LAMA5: variants seen among roughly 807,000 people sequenced by gnomAD.
The protein encoded by LAMA5 is laminin subunit alpha 5.
Under a neutral mutation model 433.4 loss-of-function variants are expected in LAMA5, and 260 were observed. That is an observed-to-expected ratio of 0.60 (90% CI 0.54 to 0.66). LAMA5 has a LOEUF of 0.66. LAMA5 is among the 30% of genes least tolerant of loss of function. LAMA5 has a pLI of 0.00. For synonymous variants in LAMA5, 2,620 were observed against 2,226.6 expected (o/e 1.18, Z -4.97); for missense variants, 5,378 against 5,258.5 (o/e 1.02, Z -0.70).
At chr20:62,357,994 C>G (rs954004050) in intron 2 of LAMA5, among the ~76,000 whole-genome samples, 18 of 152,242 alleles carry the variant, frequency 1.2e-4, no homozygotes, top group Admixed American at 9.8e-4. Context: ...GCCTGAAACC[C>G]AAACAGTTTC....
chr20:62,333,453 T>C lies in LAMA5; in HGVS notation c.3050A>G (p.Tyr1017Cys), dbSNP rs777416643. Residue 1017 changes from tyrosine to cysteine, a missense_variant, in exon 25 of 80, where the codon TAC (tyrosine) becomes TGC (cysteine). Physicochemically the swap from Tyr to Cys is radical, Grantham distance 194. Transcript: ENST00000252999. Reference protein sequence around the residue: ...LDYVVLLPSAYYEAALLQLRV... With the variant: ...LDYVVLLPSACYEAALLQLRV... Reference sequence around the variant, plus strand: ...CAGCTGCAGGAGCGCCGCCTCGTAGTATGCGCTAGGCAGCAGAACCACGTA... The same window carrying C: ...CAGCTGCAGGAGCGCCGCCTCGTAGCATGCGCTAGGCAGCAGAACCACGTA... 1 of 1,612,560 alleles carries C rather than the reference T, an allele frequency of 6.2e-7. No homozygotes were observed. The highest frequency in any genetic ancestry group is 1.3e-5 in the African/African-American group (1 of 74,892).
chr20:62,332,282 G>A lies in LAMA5; in HGVS notation c.3552+90C>T, dbSNP rs1222936598. 4 of 928,412 alleles carry A rather than the reference G, an allele frequency of 4.3e-6. No individual in the cohort carries two copies. The African/African-American group carries it at 4.8e-5, about 11-fold the overall frequency. The allele number at this position is 928,412 out of a possible 1,614,324, so 57.5% of individuals were successfully genotyped here. A position where few individuals can be genotyped will look rare whatever the true frequency, so the allele number is the denominator to read the frequency against. On this transcript the variant is annotated intron_variant, in intron 28 of 79. Coordinates refer to ENST00000252999, the MANE Select transcript of LAMA5 (RefSeq NM_005560.6). ...CGAGTGTGGCCGCCTTGGGGACCTG[G>A]GACCCCAACTGTCCTCTCCCCTCTC... is the stretch of plus-strand genomic sequence containing the variant.
chr20:62,328,591 G>T, intron 34 of LAMA5, 146 bp from the exon 35 acceptor site: 1 of 848,648 alleles, frequency 1.2e-6, no homozygotes, highest in Non-Finnish European at 1.8e-6. Flanking sequence ...CTGAGCCTTG[G>T]ACAGCTCCTG....
At chr20:62,334,451 G>T in intron 21 of LAMA5, 71 bp downstream of exon 21, 5 of 1,516,420 alleles carry the variant, frequency 3.3e-6, no homozygotes, top group Non-Finnish European at 4.4e-6. Context: ...CCATGGTGAG[G>T]GACACGGAGA....
rs778709010 is a variant in LAMA5 at position 62,322,175 on chromosome 20, TG to T, written c.6347-8del. 51 of 1,586,296 alleles carry T rather than the reference TG, an allele frequency of 3.2e-5. 1 individual carries two copies. The South Asian group carries it at 4.2e-4, about 13-fold the overall frequency. On this transcript the variant is annotated splice_polypyrimidine_tract_variant and splice_region_variant and intron_variant, in intron 47 of 79. Transcript: ENST00000252999. ...CCCCCAGGGCACTGGCAGCCTGTGG[TG>T]GGGGGCTTGGGTGAGCATGGCTGGC...
At chr20:62,342,696 C>CA (rs113491899) in intron 11 of LAMA5, among the ~76,000 whole-genome samples, 16,402 of 145,746 alleles carry the variant, frequency 0.11, 1,214 homozygotes, top group African/African-American at 0.21. Flanking sequence ...AACAAAAAAA[C>CA]AAAAAAAAAA....
At chr20:62,337,481 CA>C in intron 16 of LAMA5, 108 bp downstream of exon 16, 1 of 1,434,494 alleles carries the variant, frequency 7.0e-7, no homozygotes, top group Non-Finnish European at 9.5e-7. Flanking sequence ...TCGCAGTACA[CA>C]CAGCAAGATG....
chr20:62,326,048 C>G (rs1979227433), intron 40 of LAMA5, among the ~76,000 whole-genome samples: 1 of 151,874 alleles, frequency 6.6e-6, no homozygotes, highest in African/African-American at 2.4e-5. Flanking sequence ...CGGCGAAACC[C>G]CATCTCTACT....
intron 40 of LAMA5, among the ~76,000 whole-genome samples, chr20:62,326,150 G>A (rs572980471): frequency 3.1e-4 from 47 of 152,010 alleles, no homozygotes; most frequent in African/African-American, 1.1e-3. Flanking sequence ...ATCCTGGGAG[G>A]CAGAGGCTGC....
chr20:62,335,043 C>T lies in LAMA5; in HGVS notation c.2460G>A (p.Gln820=), dbSNP rs1305452643. 6.2e-7 allele frequency: 1 copy of T among 1,612,866 alleles called. No homozygotes were observed. The highest frequency in any genetic ancestry group is 1.3e-5 in the African/African-American group (1 of 74,892). ...CACTGCGGCAGCCAAAATAGTCAGC[C>T]TGATCCAGTCCAAAGAAGCCATCCT... ...SCKDGFFGLD[Q]ADYFGCRSCR... is the part of the protein sequence containing the mutation. Residue 820 remains glutamine (Q), a synonymous_variant, in exon 20 of 80, where the codon CAG becomes CAA. Coordinates refer to ENST00000252999, the MANE Select transcript of LAMA5 (RefSeq NM_005560.6).
rs1051445390 is a variant in LAMA5 at position 62,309,210 on chromosome 20, C to T, written c.*126G>A. The T allele has an allele frequency of 6.2e-6, 6 of 966,832 alleles. No homozygotes were observed. The highest frequency in any genetic ancestry group is 8.8e-6 in the Non-Finnish European group (6 of 682,458). The allele number at this position is 966,832 out of a possible 1,614,324, so 59.9% of individuals were successfully genotyped here. On this transcript the variant is annotated 3_prime_UTR_variant, in exon 80 of 80. Coordinates refer to ENST00000252999, the MANE Select transcript of LAMA5 (RefSeq NM_005560.6). ...TTCGTTTAAGAAGCTATAACTTAAA[C>T]CATCTTCAGAAACAAGATCTGTCAC...
At position 62,314,818 on chromosome 20, in the gene LAMA5, G is replaced by C. The variant is rs1568900478; in HGVS notation, c.8177C>G (p.Ala2726Gly). ...IGRVRELIAQARGAASKVKVP... is the reference protein window; with the variant it reads ...IGRVRELIAQGRGAASKVKVP... ...ACCCACCTTACTGGCAGCCCCCCGG[G>C]CCTGGGCAATGAGCTCTCGCACGCG... Residue 2726 changes from alanine (A) to glycine (G), a missense_variant, in exon 60 of 80, where the codon GCC becomes GGC. Coordinates refer to ENST00000252999, the MANE Select transcript of LAMA5 (RefSeq NM_005560.6). The C allele has an allele frequency of 6.2e-7, 1 of 1,612,828 alleles. No homozygotes were observed. The highest frequency in any genetic ancestry group is 8.5e-7 in the Non-Finnish European group (1 of 1,179,926).
chr20:62,353,375 G>A lies in LAMA5; in HGVS notation c.451-124C>T, dbSNP rs906503306. ...GGGGATGTGGCACCCTCGCCGCACA[G>A]GGGGCACCTCTGGGTTTGCCTGTGT... is the stretch of plus-strand genomic sequence containing the variant. On this transcript the variant is annotated intron_variant, in intron 2 of 79. Coordinates refer to ENST00000252999, the MANE Select transcript of LAMA5 (RefSeq NM_005560.6). 1.7e-4 allele frequency: 115 copies of A among 679,200 alleles called. 2 individuals are homozygous for A. Among genetic ancestry groups the A allele is most frequent in the Non-Finnish European group, 2.2e-4 (88 of 403,926 alleles). The allele number at this position is 679,200 out of a possible 1,614,324, so 42.1% of individuals were successfully genotyped here.
At chr20:62,330,994 T>A in intron 29 of LAMA5, 38 bp downstream of exon 29, 1 of 1,572,732 alleles carries the variant, frequency 6.4e-7, no homozygotes, top group Non-Finnish European at 8.6e-7. Context: ...CGCCGGGCCC[T>A]CGGCCGCGCC....
chr20:62,333,330 T>C, intron 25 of LAMA5, 45 bp downstream of exon 25: 1 of 1,596,200 alleles, frequency 6.3e-7, no homozygotes. Flanking sequence ...ACAGTGGGGG[T>C]CCAGGAAGCC....
chr20:62,360,592 AGGTAGGTGGGTG>A (rs1376745616), intron 2 of LAMA5, among the ~76,000 whole-genome samples: 1 of 1,858 alleles, frequency 5.4e-4, no homozygotes, highest in Non-Finnish European at 4.9e-3. Context: ...GTAGAAGGAT[AGGTAGGTGGGTG>A]GGTGGGTGGA....
rs377260370 is a variant in LAMA5, at chr20:62,346,614, G to A, written c.1192-18C>T. The A allele has an allele frequency of 3.0e-4, 484 of 1,610,042 alleles. 1 individual carries two copies. Among genetic ancestry groups the A allele is most frequent in the South Asian group, 1.1e-3 (104 of 90,618 alleles). ...GTGTGGTGCTGGGAGTGCAATGGCC[G>A]TTGAGTCTGGGGAGGTCCCTGCCCC... On this transcript the variant is annotated intron_variant, in intron 8 of 79. Transcript: ENST00000252999.
At chr20:62,316,465 G>A (rs1028957303) in intron 57 of LAMA5, 2 of 527,924 alleles carry the variant, frequency 3.8e-6, no homozygotes, top group South Asian at 3.0e-5. Flanking sequence ...GTGCCTCGCA[G>A]GAGGCTGCTC....
intron 11 of LAMA5, among the ~76,000 whole-genome samples, chr20:62,345,176 C>T (rs4925383): frequency 0.53 from 81,020 of 151,782 alleles, 26,178 homozygotes; most frequent in East Asian, 0.75. Flanking sequence ...CGCCACCATG[C>T]CCAGCTAGTA....
Sources: allele counts gnomAD v4.1 joint callset (sites outside exome capture counted in the v4.1 genomes callset), GRCh38; gene constraint gnomAD v4.1.1; transcripts MANE v1.5; gene names NCBI Gene and HGNC (gene_info 2026-07-23, HGNC 2026-07-21).